Variants in PSD3 observed in about 807,000 individuals in gnomAD.
The protein encoded by PSD3 is PH and SEC7 domain-containing protein 3.
In PSD3, 49 loss-of-function variants were observed where a neutral mutation model predicts 105.5. The observed-to-expected ratio is 0.46, with a 90% confidence interval of 0.37 to 0.59. The LOEUF (loss-of-function observed/expected upper bound fraction) is 0.59. Ranked by LOEUF, PSD3 falls within the 20% of genes least tolerant of loss-of-function variation. The pLI is 0.00. For missense variants in PSD3, 1,561 were observed against 1,263.8 expected (o/e 1.24, Z -3.57); for synonymous variants, 557 against 457.8 (o/e 1.22, Z -2.77).
intron 1 of PSD3, among the ~76,000 whole-genome samples, chr8:18,966,921 G>A (rs186249882): frequency 6.6e-6 from 1 of 152,164 alleles, no homozygotes; most frequent in Non-Finnish European, 1.5e-5. Context: ...GCTTGGGTAG[G>A]GGGAGAAGGG....
intron 11 of PSD3, among the ~76,000 whole-genome samples, chr8:18,611,751 T>C (rs1805282836): frequency 7.0e-6 from 1 of 143,092 alleles, no homozygotes; most frequent in Non-Finnish European, 1.6e-5. Context: ...CTTAAGGGAA[T>C]GTGATTAAGG....
chr8:18,908,880 A>G (rs561551505), intron 2 of PSD3, among the ~76,000 whole-genome samples: 1 of 152,334 alleles, frequency 6.6e-6, no homozygotes, highest in South Asian at 2.1e-4. Flanking sequence ...CTATCTAAAT[A>G]TGAGAATCAA....
intron 3 of PSD3, 67 bp from the exon 4 acceptor site, chr8:18,868,136 C>A: frequency 6.8e-7 from 1 of 1,467,756 alleles, no homozygotes; most frequent in Non-Finnish European, 9.2e-7. Context: ...CCACTTCAAC[C>A]ATATAAAAAG....
chr8:19,031,635 TAAG>T (rs1827775182), intron 1 of PSD3, among the ~76,000 whole-genome samples: 1 of 152,172 alleles, frequency 6.6e-6, no homozygotes, highest in Admixed American at 6.5e-5. Context: ...GGCTCTCTAA[TAAG>T]GAGACTTAGG....
At chr8:18,560,871 T>C (rs7831444) in intron 14 of PSD3, among the ~76,000 whole-genome samples, 86,887 of 152,038 alleles carry the variant, frequency 0.57, 24,985 homozygotes, top group Admixed American at 0.65. Context: ...AGATGGTGCC[T>C]TTTGGAAAGT....
intron 1 of PSD3, among the ~76,000 whole-genome samples, chr8:18,974,449 C>T (rs1034420190): frequency 2.0e-5 from 3 of 152,100 alleles, no homozygotes; most frequent in Non-Finnish European, 2.9e-5. Context: ...CAGACACTGC[C>T]TTTAAGAGAG....
intron 9 of PSD3, among the ~76,000 whole-genome samples, chr8:18,663,622 A>G (rs1039103933): frequency 5.3e-5 from 8 of 152,184 alleles, no homozygotes; most frequent in African/African-American, 1.9e-4. Context: ...CCTTGAGATT[A>G]CCTTCTATTG....
intron 8 of PSD3, among the ~76,000 whole-genome samples, chr8:18,787,976 T>C (rs955764044): frequency 1.1e-4 from 16 of 152,334 alleles, no homozygotes; most frequent in Admixed American, 3.9e-4. Context: ...TTGCAAGTCA[T>C]ATATTCTGTT....
intron 1 of PSD3, among the ~76,000 whole-genome samples, chr8:19,067,685 G>A (rs1267969983): frequency 6.6e-6 from 1 of 152,130 alleles, no homozygotes; most frequent in African/African-American, 2.4e-5. Flanking sequence ...GTTGTCTTAT[G>A]AACTGCAGGG....
intron 4 of PSD3, among the ~76,000 whole-genome samples, chr8:18,843,766 G>A (rs1420863500): frequency 2.0e-5 from 3 of 151,758 alleles, no homozygotes; most frequent in Non-Finnish European, 4.4e-5. Flanking sequence ...TGATGATGGT[G>A]GTGATGGTGA....
At chr8:18,926,061 T>C (rs1200472543) in intron 2 of PSD3, among the ~76,000 whole-genome samples, 1 of 151,976 alleles carries the variant, frequency 6.6e-6, no homozygotes, top group African/African-American at 2.4e-5. Context: ...GCTACTGTAC[T>C]GCTTAGCTAT....
intron 4 of PSD3, among the ~76,000 whole-genome samples, chr8:18,829,158 G>T (rs1199994871): frequency 6.6e-6 from 1 of 152,112 alleles, no homozygotes; most frequent in East Asian, 1.9e-4. Flanking sequence ...GAGACAGGTG[G>T]ATCAACTGAA....
chr8:18,628,896 G>A (rs947539701), intron 11 of PSD3, among the ~76,000 whole-genome samples: 6 of 151,882 alleles, frequency 4.0e-5, no homozygotes, highest in East Asian at 1.9e-4. Context: ...AAGACCAGAC[G>A]GAATAAATAA....
intron 2 of PSD3, among the ~76,000 whole-genome samples, chr8:18,933,359 T>C (rs1290453857): frequency 2.6e-5 from 4 of 151,360 alleles, no homozygotes; most frequent in African/African-American, 9.8e-5. Context: ...CTCTATATAG[T>C]TAAGGAAAAA....
intron 9 of PSD3, among the ~76,000 whole-genome samples, chr8:18,670,873 G>A (rs1585569286): frequency 6.6e-6 from 1 of 152,118 alleles, no homozygotes; most frequent in Non-Finnish European, 1.5e-5. Context: ...GGGGAGCAGG[G>A]TGGGGGGATT....
Position 18,606,568 on chromosome 8 carries a change from T to C in PSD3, c.2411-6134A>G, listed in dbSNP as rs79479668. 5.7e-3 allele frequency among the ~76,000 whole-genome samples: 867 copies of C among 152,334 alleles called. 4 individuals are homozygous for C. The highest frequency in any genetic ancestry group is 0.019 in the African/African-American group (798 of 41,582). Reference sequence around the variant, plus strand: ...ATTCTCTATTGCATTTTTCTTTCCTTCTTTTTATAAGAAGGGAAGAATTTA... The same window carrying C: ...ATTCTCTATTGCATTTTTCTTTCCTCCTTTTTATAAGAAGGGAAGAATTTA... On this transcript the variant is annotated intron_variant, in intron 11 of 15. Coordinates refer to ENST00000327040, the MANE Select transcript of PSD3 (RefSeq NM_015310.4).
intron 4 of PSD3, among the ~76,000 whole-genome samples, chr8:18,817,615 G>C (rs1812321434): frequency 6.6e-6 from 1 of 152,206 alleles, no homozygotes; most frequent in South Asian, 2.1e-4. Context: ...CTATCAACTT[G>C]AGTAGAAGAT....
intron 1 of PSD3, among the ~76,000 whole-genome samples, chr8:19,058,378 C>T (rs1828779008): frequency 6.7e-6 from 1 of 148,758 alleles, no homozygotes; most frequent in Non-Finnish European, 1.5e-5. Context: ...GATAGTTGTA[C>T]AAATTTATAT....
rs530868341 is a variant in PSD3, at chr8:18,867,796, G to C, written c.1512C>G (p.Ile504Met). Residue 504 changes from isoleucine (I) to methionine (M), a missense_variant, in exon 4 of 16, where the codon ATC becomes ATG. Ile to Met is a conservative substitution (Grantham distance 10). Transcript: ENST00000327040. ...TGCCACCATCTGCAGACACACTCAG[G>C]ATATCCTGATGTCCTCCCCCTGATG... ...ERTSGGGHQD[I>M]LSVSADGGIV... The C allele has an allele frequency of 2.4e-5, 39 of 1,614,128 alleles. No homozygotes were observed. Among genetic ancestry groups the C allele is most frequent in the Middle Eastern group, 1.6e-4 (1 of 6,062 alleles).
Sources: allele counts gnomAD v4.1 joint callset (sites outside exome capture counted in the v4.1 genomes callset), GRCh38; gene constraint gnomAD v4.1.1; transcripts MANE v1.5; gene names NCBI Gene and HGNC (gene_info 2026-07-23, HGNC 2026-07-21).